CCDC13: variants seen among roughly 807,000 people sequenced by gnomAD.
CCDC13 encodes the protein coiled-coil domain-containing protein 13.
CCDC13 carries 70 observed loss-of-function variants against 87.3 expected under a neutral mutation model. That is an observed-to-expected ratio of 0.80 (90% confidence interval 0.66 to 0.98). The LOEUF is 0.98. Among genes scored for constraint, CCDC13 ranks in the 50% least tolerant of loss-of-function variants. The pLI is 0.00. For synonymous variants in CCDC13, 317 were observed against 360.3 expected, an observed-to-expected ratio of 0.88 and a Z score of 1.36; for missense variants, 842 against 892.0, an observed-to-expected ratio of 0.94 and a Z score of 0.71.
At chr3:42,747,434 T>C (rs1303818775) in intron 5 of CCDC13, 61 bp from the exon 6 acceptor site, 4 of 1,122,354 alleles carry the variant, frequency 3.6e-6, no homozygotes, top group Admixed American at 1.7e-5. Context: ...ATAGTAATCA[T>C]AGCCCCCATT....
intron 5 of CCDC13, among the ~76,000 whole-genome samples, chr3:42,748,836 C>T (rs1444868396): frequency 6.7e-6 from 1 of 149,910 alleles, no homozygotes; most frequent in African/African-American, 2.4e-5. Flanking sequence ...CTCACTGCAA[C>T]CTCCGCCCCC....
chr3:42,709,644 G>C (rs1038010020), intron 15 of CCDC13, 40 bp downstream of exon 15: 1 of 1,545,808 alleles, frequency 6.5e-7, no homozygotes, highest in Non-Finnish European at 8.9e-7. Context: ...CCTCTGCTCA[G>C]ACAACCCTAC....
At chr3:42,718,000 C>A (rs1698471015) in intron 13 of CCDC13, 1 of 152,170 alleles carries the variant, frequency 6.6e-6, no homozygotes, top group Non-Finnish European at 1.5e-5. Context: ...ATACCACAAC[C>A]ATCCACCGCC....
chr3:42,718,084 C>G (rs1398360470), intron 13 of CCDC13: 1 of 152,234 alleles, frequency 6.6e-6, no homozygotes, highest in Non-Finnish European at 1.5e-5. Context: ...TAAATAGGAG[C>G]TGGGTGAAAT....
At chr3:42,772,289 A>AGT (rs1376336753) in intron 1 of CCDC13, among the ~76,000 whole-genome samples, 2 of 72,066 alleles carry the variant, frequency 2.8e-5, no homozygotes, top group Non-Finnish European at 5.4e-5. Flanking sequence ...AAAAAAAAAA[A>AGT]AGTAATAATA....
At chr3:42,749,888 C>A (rs1699527587) in intron 5 of CCDC13, 4 of 456,588 alleles carry the variant, frequency 8.8e-6, no homozygotes, top group Middle Eastern at 3.2e-4. Context: ...CTTTGGAGGC[C>A]TAGGGTTGGA....
At chr3:42,770,990 CAGTG>C (rs1700073694) in intron 1 of CCDC13, 3 of 152,192 alleles carry the variant, frequency 2.0e-5, no homozygotes, top group Admixed American at 6.5e-5. Context: ...TTCTTGAAGT[CAGTG>C]AGACCAAGAA....
intron 12 of CCDC13, among the ~76,000 whole-genome samples, chr3:42,731,102 C>T (rs1295895018): frequency 6.6e-6 from 1 of 152,204 alleles, no homozygotes; most frequent in Non-Finnish European, 1.5e-5. Flanking sequence ...CAACCCATCA[C>T]TGCTTCCCTC....
intron 1 of CCDC13, among the ~76,000 whole-genome samples, chr3:42,772,291 G>GTAGTAA (rs1553695368): frequency 1.3e-5 from 1 of 76,496 alleles, no homozygotes; most frequent in African/African-American, 4.6e-5. Flanking sequence ...AAAAAAAAAA[G>GTAGTAA]TAATAATAAA....
Position 42,758,145 on chromosome 3 carries a change from C to T in CCDC13, c.201G>A (p.Ser67=), listed in dbSNP as rs766344934. 6 of 1,613,600 alleles carry T rather than the reference C, an allele frequency of 3.7e-6. No individual in the cohort carries two copies. Among genetic ancestry groups the T allele is most frequent in the Admixed American group, 1.7e-5 (1 of 59,950 alleles). ...TTTACCTCTTCTCAAAGCTATTTTT[C>T]GAGTTTGGCTCCCCTGCGTGGAGAA... The part of the protein sequence containing the change: ...LSLLHAGEPN[S]KNSFEKRVLE... The change falls in exon 2 of 16, where the codon TCG becomes TCA. Residue 67 remains serine, a synonymous_variant. Coordinates refer to ENST00000310232, the MANE Select transcript of CCDC13 (RefSeq NM_144719.4).
intron 7 of CCDC13, chr3:42,744,847 TAATGAC>T (rs1362710116): frequency 6.6e-6 from 1 of 150,780 alleles, no homozygotes; most frequent in African/African-American, 2.4e-5. Flanking sequence ...ACATGTAACT[TAATGAC>T]AATAAGAAGT....
chr3:42,744,659 G>A, intron 7 of CCDC13, among the ~76,000 whole-genome samples: 1 of 151,940 alleles, frequency 6.6e-6, no homozygotes, highest in East Asian at 1.9e-4. Context: ...CAAAAAATTA[G>A]CCGGGCGTGG....
chr3:42,711,014 G>T (rs1354834152), intron 14 of CCDC13, among the ~76,000 whole-genome samples: 1 of 151,796 alleles, frequency 6.6e-6, no homozygotes, highest in Non-Finnish European at 1.5e-5. Flanking sequence ...GGGAGGTCTA[G>T]GGGGGTGGAT....
chr3:42,746,274 GCCCAGATAGGGC>G, intron 6 of CCDC13: 1 of 477,024 alleles, frequency 2.1e-6, no homozygotes, highest in South Asian at 2.7e-5. Context: ...TGCCAGCAAT[GCCCAGATAGGGC>G]CCCTTGCTCT....
At chr3:42,772,456 G>A (rs1165472597) in intron 1 of CCDC13, among the ~76,000 whole-genome samples, 3 of 152,036 alleles carry the variant, frequency 2.0e-5, no homozygotes, top group Admixed American at 6.5e-5. Flanking sequence ...GACCAGTGAG[G>A]AAGGATTGAG....
chr3:42,729,877 A>C (rs1030670065), intron 13 of CCDC13, among the ~76,000 whole-genome samples: 10 of 152,256 alleles, frequency 6.6e-5, no homozygotes, highest in Admixed American at 5.2e-4. Flanking sequence ...TGTGGAGGTC[A>C]CATGGTTGAG....
chr3:42,715,142 C>CAA (rs35875657), intron 13 of CCDC13, among the ~76,000 whole-genome samples: 2 of 139,706 alleles, frequency 1.4e-5, no homozygotes. Flanking sequence ...ACTAAAAATA[C>CAA]AAAAAAAAAA....
chr3:42,709,601 G>C, intron 15 of CCDC13, 83 bp downstream of exon 15: 2 of 1,084,074 alleles, frequency 1.8e-6, no homozygotes, highest in Non-Finnish European at 1.4e-6. Flanking sequence ...AAAGTGCAAG[G>C]GGAGGGACAC....
intron 13 of CCDC13, among the ~76,000 whole-genome samples, chr3:42,725,837 T>C (rs189760994): frequency 6.8e-4 from 103 of 152,044 alleles, no homozygotes; most frequent in Non-Finnish European, 1.3e-3. Flanking sequence ...CCACTGAAGA[T>C]AAGCTCATAA....
Sources: gnomAD v4.1 joint callset for allele counts (sites outside exome capture counted in the v4.1 genomes callset) on GRCh38, gnomAD v4.1.1 for gene constraint, MANE v1.5 for transcripts, NCBI Gene and HGNC (gene_info 2026-07-23, HGNC 2026-07-21) for gene names.